The following RALGPS2 variants were observed in gnomAD, a reference collection of about 807,000 sequenced individuals.
The protein encoded by RALGPS2 is ras-specific guanine nucleotide-releasing factor RalGPS2.
Under a neutral mutation model 86.8 loss-of-function variants are expected in RALGPS2, and 43 were observed. The ratio of observed to expected loss-of-function variants is 0.50; its 90% CI spans 0.39 to 0.64. The LOEUF (loss-of-function observed/expected upper bound fraction) is 0.64, where lower values mean the gene tolerates loss of function less well. Ranked by LOEUF, RALGPS2 falls within the 30% of genes least tolerant of loss-of-function variation. The pLI is 0.00. For missense variants in RALGPS2, 536 were observed against 694.6 expected, an observed-to-expected ratio of 0.77 and a Z score of 2.57; for synonymous variants, 243 against 231.3, an observed-to-expected ratio of 1.05 and a Z score of -0.46.
intron 19 of RALGPS2, among the ~76,000 whole-genome samples, chr1:178,910,808 A>AT (rs1209743615): frequency 4.6e-5 from 7 of 151,790 alleles, no homozygotes; most frequent in Non-Finnish European, 1.0e-4. Flanking sequence ...TTCTTTCTCG[A>AT]TTTTTCGGAA....
chr1:178,812,341 G>A (rs144230585), intron 6 of RALGPS2, among the ~76,000 whole-genome samples: 1 of 152,280 alleles, frequency 6.6e-6, no homozygotes, highest in African/African-American at 2.4e-5. Flanking sequence ...AACATGTTAA[G>A]CAAAGACAGA....
intron 8 of RALGPS2, among the ~76,000 whole-genome samples, chr1:178,859,171 G>A (rs1436572539): frequency 2.0e-5 from 3 of 151,854 alleles, no homozygotes; most frequent in African/African-American, 7.3e-5. Context: ...TATCAATTAC[G>A]TTCTCATAAC....
chr1:178,897,232 A>G (rs908106058), intron 16 of RALGPS2, among the ~76,000 whole-genome samples: 5 of 152,000 alleles, frequency 3.3e-5, no homozygotes, highest in Non-Finnish European at 7.4e-5. Flanking sequence ...CAAAACCACA[A>G]TGAGATACCA....
At position 178,885,146 on chromosome 1, in the gene RALGPS2, G is replaced by A. The variant is rs753657380; in HGVS notation, c.975G>A (p.Gln325=). The part of the protein sequence containing the change: ...SVAAEGALLP[Q]TPPSPRNLIP... ...CAGCTGAAGGAGCCTTGCTCCCACAGACACCGCCATCCCCTCGGAATCTGA... is the reference window on the plus strand; with the variant it reads ...CAGCTGAAGGAGCCTTGCTCCCACAAACACCGCCATCCCCTCGGAATCTGA... Residue 325 remains glutamine, a synonymous_variant, in exon 12 of 20, where the codon CAG becomes CAA. Transcript: ENST00000367635. The A allele has an allele frequency of 1.2e-6, 2 of 1,613,870 alleles. No individual in the cohort carries two copies. The highest frequency in any genetic ancestry group is 1.1e-5 in the South Asian group (1 of 91,048).
At chr1:178,822,901 C>T (rs1261849632) in intron 7 of RALGPS2, among the ~76,000 whole-genome samples, 1 of 152,132 alleles carries the variant, frequency 6.6e-6, no homozygotes, top group Non-Finnish European at 1.5e-5. Flanking sequence ...CTTACTGCAG[C>T]CCCCAACTCC....
At position 178,920,046 on chromosome 1, in the gene RALGPS2, CCTCT is replaced by C. The variant is rs1647233987; in HGVS notation, c.*3690_*3693del. On this transcript the variant is annotated 3_prime_UTR_variant, in exon 20 of 20. Coordinates refer to ENST00000367635, the MANE Select transcript of RALGPS2 (RefSeq NM_152663.5). ...ACCTTTTAGGGTTTGCTTTTATTTT[CCTCT>C]CTTTTTTGTATTATTTCTTTCAAAC... 1 of 151,860 alleles carries C rather than the reference CCTCT, an allele frequency of 6.6e-6. No individual in the cohort carries two copies. Among genetic ancestry groups the C allele is most frequent in the African/African-American group, 2.4e-5 (1 of 41,386 alleles). 9.4% of individuals were successfully genotyped at this position (151,860 alleles called of 1,614,324 possible).
intron 8 of RALGPS2, among the ~76,000 whole-genome samples, chr1:178,870,306 T>C (rs1407249259): frequency 6.6e-6 from 1 of 152,218 alleles, no homozygotes; most frequent in Non-Finnish European, 1.5e-5. Context: ...TCCAACAGTT[T>C]ATGTATATCT....
chr1:178,904,773 G>A lies in RALGPS2; in HGVS notation c.1631-2003G>A, dbSNP rs528854639. On this transcript the variant is annotated intron_variant, in intron 18 of 19. Coordinates refer to ENST00000367635, the MANE Select transcript of RALGPS2 (RefSeq NM_152663.5). ...GGCCTTACGGTATAGTTTGAAATCA[G>A]GTAGTGTGATGCCTCCAGATTTGTT... 2.0e-5 allele frequency among the ~76,000 whole-genome samples: 3 copies of A among 152,278 alleles called. No homozygotes were observed. In the South Asian group the frequency reaches 6.2e-4, roughly 32 times the overall value.
intron 6 of RALGPS2, among the ~76,000 whole-genome samples, chr1:178,819,596 T>C (rs1655400011): frequency 6.6e-6 from 1 of 152,218 alleles, no homozygotes; most frequent in Admixed American, 6.5e-5. Context: ...CCAGCTTTGG[T>C]GTTCAGCTTA....
In RALGPS2 at chr1:178,918,906, A is replaced by G. The variant is rs1660894080; in HGVS notation, c.*2547A>G. 2.0e-5 allele frequency: 3 copies of G among 152,102 alleles called. No individual in the cohort carries two copies. Among genetic ancestry groups the G allele is most frequent in the Non-Finnish European group, 4.4e-5 (3 of 67,952 alleles). The allele number at this position is 152,102 out of a possible 1,614,324, so 9.4% of individuals were successfully genotyped here. A position where few individuals can be genotyped will look rare whatever the true frequency, so the allele number is the denominator to read the frequency against. ...GAATCTTCTTATTAAGCCTGCCCTC[A>G]ATTGTAAATAAGTGACTCAAAAACT... On this transcript the variant is annotated 3_prime_UTR_variant, in exon 20 of 20. Transcript: ENST00000367635.
chr1:178,846,775 C>T (rs925507149), intron 8 of RALGPS2, among the ~76,000 whole-genome samples: 7 of 152,152 alleles, frequency 4.6e-5, no homozygotes, highest in Non-Finnish European at 1.0e-4. Flanking sequence ...GTGGTGTTTC[C>T]AACTGTGAAT....
intron 4 of RALGPS2, among the ~76,000 whole-genome samples, chr1:178,802,649 T>C (rs1336950142): frequency 6.6e-6 from 1 of 152,142 alleles, no homozygotes; most frequent in Non-Finnish European, 1.5e-5. Flanking sequence ...GGTACAAAAT[T>C]ATTATAGTAG....
rs113573244 is a variant in RALGPS2, at chr1:178,811,854, T to C, written c.387+450T>C. 8.6e-3 allele frequency among the ~76,000 whole-genome samples: 1,305 copies of C among 152,310 alleles called. 21 individuals are homozygous for C. Among genetic ancestry groups the C allele is most frequent in the South Asian group, 0.014 (66 of 4,820 alleles). On this transcript the variant is annotated intron_variant, in intron 6 of 19. Coordinates refer to ENST00000367635, the MANE Select transcript of RALGPS2 (RefSeq NM_152663.5). ...TACCACATTGTTAACTGAACAGTTATTGTGTGACATAGATAATAAATACAG... is the reference window on the plus strand; with the variant it reads ...TACCACATTGTTAACTGAACAGTTACTGTGTGACATAGATAATAAATACAG...
intron 1 of RALGPS2, among the ~76,000 whole-genome samples, chr1:178,750,719 T>C (rs899003651): frequency 3.3e-5 from 5 of 152,228 alleles, no homozygotes; most frequent in African/African-American, 1.2e-4. Context: ...AACCTTCTTA[T>C]TGCTCCTTCT....
chr1:178,881,265 C>G (rs757645943), intron 10 of RALGPS2, among the ~76,000 whole-genome samples: 1 of 152,122 alleles, frequency 6.6e-6, no homozygotes, highest in African/African-American at 2.4e-5. Context: ...TGAACAGCTT[C>G]AGGAGACAGC....
At chr1:178,836,408 T>C (rs1035521664) in intron 8 of RALGPS2, among the ~76,000 whole-genome samples, 7 of 152,228 alleles carry the variant, frequency 4.6e-5, no homozygotes, top group Non-Finnish European at 7.3e-5. Context: ...TCATTTTATA[T>C]GTTCTCATGA....
At chr1:178,909,666 T>C (rs1467706781) in intron 19 of RALGPS2, among the ~76,000 whole-genome samples, 1 of 140,246 alleles carries the variant, frequency 7.1e-6, no homozygotes, top group Non-Finnish European at 1.5e-5. Context: ...TTTTTTTTTT[T>C]TGGAGACGGA....
At position 178,879,379 on chromosome 1, in the gene RALGPS2, T is replaced by C. The variant is rs1440975004; in HGVS notation, c.836+387T>C. The C allele has an allele frequency of 1.9e-5, 3 of 155,428 alleles. No homozygotes were observed. In the Admixed American group the frequency reaches 2.0e-4, roughly 10 times the overall value. The allele number at this position is 155,428 out of a possible 1,614,324, so 9.6% of individuals were successfully genotyped here. On this transcript the variant is annotated intron_variant, in intron 10 of 19. Transcript: ENST00000367635. ...TTAATGCTAAGTATTGACACATCGT[T>C]GTTTGTTTTTCATTGTTTTTGCGGA...
At chr1:178,852,530 A>C (rs1052903643) in intron 8 of RALGPS2, among the ~76,000 whole-genome samples, 10 of 152,194 alleles carry the variant, frequency 6.6e-5, no homozygotes, top group African/African-American at 2.4e-4. Flanking sequence ...GAAATCCTAA[A>C]AGCTATTTCT....
Sources: gnomAD v4.1 joint callset for allele counts (sites outside exome capture counted in the v4.1 genomes callset) on GRCh38, gnomAD v4.1.1 for gene constraint, MANE v1.5 for transcripts, NCBI Gene and HGNC (gene_info 2026-07-23, HGNC 2026-07-21) for gene names.